The following AGTPBP1 variants were observed in gnomAD, a reference collection of about 807,000 sequenced individuals.
The protein encoded by AGTPBP1 is ATP/GTP binding carboxypeptidase 1, also known as cytosolic carboxypeptidase 1.
AGTPBP1 carries 70 observed loss-of-function variants against 143.9 expected under a neutral mutation model. The observed-to-expected ratio is 0.49, with a 90% CI of 0.40 to 0.59. The LOEUF is 0.59. Among genes scored for constraint, AGTPBP1 ranks in the 20% least tolerant of loss-of-function variants. AGTPBP1 has a pLI of 0.00. For synonymous variants in AGTPBP1, 463 were observed against 500.2 expected, an observed-to-expected ratio of 0.93 and a Z score of 0.99; for missense variants, 1,229 against 1,464.5, an observed-to-expected ratio of 0.84 and a Z score of 2.62.
chr9:85,662,671 A>C (rs1833916669), intron 8 of AGTPBP1, among the ~76,000 whole-genome samples: 1 of 152,200 alleles, frequency 6.6e-6, no homozygotes, highest in African/African-American at 2.4e-5. Context: ...TTTCCTTCTT[A>C]AAACAATTTT....
In AGTPBP1 at chr9:85,677,685, G is replaced by A. The variant is rs1031275591; in HGVS notation, c.290-103C>T. The A allele has an allele frequency of 3.0e-5, 29 of 976,176 alleles. No individual in the cohort carries two copies. The South Asian group carries it at 5.6e-4, about 19-fold the overall frequency. 60.5% of individuals were successfully genotyped at this position (976,176 alleles called of 1,614,324 possible). A position where few individuals can be genotyped will look rare whatever the true frequency, so the allele number is the denominator to read the frequency against. Reference sequence around the variant, plus strand: ...CATAACTTGTTAGCATTCAAGAAATGGTTAAAACTGATGACCTCTAAAATC... The same window carrying A: ...CATAACTTGTTAGCATTCAAGAAATAGTTAAAACTGATGACCTCTAAAATC... On this transcript the variant is annotated intron_variant, in intron 5 of 25. Coordinates refer to ENST00000357081, the MANE Select transcript of AGTPBP1 (RefSeq NM_001330701.2).
chr9:85,657,866 C>T (rs759807100), intron 9 of AGTPBP1, among the ~76,000 whole-genome samples: 6 of 152,142 alleles, frequency 3.9e-5, no homozygotes, highest in South Asian at 2.1e-4. Context: ...TAATGTTTCA[C>T]GATTTATAAA....
At chr9:85,726,056 CAAAAAAAAAAAA>C (rs948203314) in intron 1 of AGTPBP1, among the ~76,000 whole-genome samples, 20 of 40,790 alleles carry the variant, frequency 4.9e-4, no homozygotes, top group African/African-American at 1.4e-3. Context: ...GACTCCATCT[CAAAAAAAAAAAA>C]AAAAAAAAAA....
the AGTPBP1 span, among the ~76,000 whole-genome samples, chr9:85,771,898 A>G: frequency 6.6e-6 from 1 of 151,434 alleles, no homozygotes; most frequent in African/African-American, 2.4e-5. Flanking sequence ...TGACCTCATG[A>G]TCCGCCCGCC....
rs555486133 is a variant in AGTPBP1 at position 85,597,994 on chromosome 9, T to C, written c.2336-1545A>G. Among the ~76,000 whole-genome samples, 22 of 152,290 alleles carry C rather than the reference T, an allele frequency of 1.4e-4. No individual in the cohort carries two copies. The South Asian group carries it at 4.6e-3, about 32-fold the overall frequency. On this transcript the variant is annotated intron_variant, in intron 17 of 25. Transcript: ENST00000357081. The stretch of plus-strand genomic sequence containing the variant: ...GAAAACTAAATTTTAAAACTTTCCA[T>C]CACTTATTAGAATAAATAATAAAAG...
chr9:85,749,289 C>CT, the AGTPBP1 span, among the ~76,000 whole-genome samples: 1 of 152,146 alleles, frequency 6.6e-6, no homozygotes, highest in Non-Finnish European at 1.5e-5. Flanking sequence ...GCCACCACAC[C>CT]TTGCCACGTA....
Position 85,646,435 on chromosome 9 carries a change from G to A in AGTPBP1, c.1088-17C>T. 6.3e-7 allele frequency: 1 copy of A among 1,591,884 alleles called. No individual in the cohort carries two copies. The highest frequency in any genetic ancestry group is 8.6e-7 in the Non-Finnish European group (1 of 1,161,598). On this transcript the variant is annotated splice_polypyrimidine_tract_variant and intron_variant, in intron 11 of 25. Transcript: ENST00000357081. ...CGTCATCCACTATGATACAAAATGT[G>A]CTATAAGTAGGTCAGAGGTAAGCAT...
In AGTPBP1 at chr9:85,702,254, G is replaced by C. The variant is rs192232278; in HGVS notation, c.33-9441C>G. Among the ~76,000 whole-genome samples the C allele has an allele frequency of 9.6e-4, 146 of 152,216 alleles. 1 individual carries two copies. Among genetic ancestry groups the C allele is most frequent in the Middle Eastern group, 6.8e-3 (2 of 294 alleles). ...TTCCATTCCTTCCTTGGAAATTACA[G>C]TTACAAGTATATTGGATTTCTTTTG... is the stretch of plus-strand genomic sequence containing the variant. On this transcript the variant is annotated intron_variant, in intron 2 of 25. Transcript: ENST00000357081.
chr9:85,564,301 G>A (rs576478761), intron 25 of AGTPBP1, among the ~76,000 whole-genome samples: 2 of 152,340 alleles, frequency 1.3e-5, no homozygotes, highest in African/African-American at 2.4e-5. Context: ...CTCAAGAATT[G>A]TCACTTCTTT....
At chr9:85,772,914 C>A in the AGTPBP1 span, among the ~76,000 whole-genome samples, 1 of 152,038 alleles carries the variant, frequency 6.6e-6, no homozygotes, top group Non-Finnish European at 1.5e-5. Flanking sequence ...ATGTAAACTG[C>A]ATAGATTACA....
At chr9:85,720,393 G>A (rs1387874546) in intron 1 of AGTPBP1, among the ~76,000 whole-genome samples, 2 of 151,976 alleles carry the variant, frequency 1.3e-5, no homozygotes, top group African/African-American at 2.4e-5. Context: ...GTCTTGGGAG[G>A]GTGTATGTGT....
chr9:85,628,772 G>A (rs989553810), intron 14 of AGTPBP1, among the ~76,000 whole-genome samples: 1 of 152,116 alleles, frequency 6.6e-6, no homozygotes, highest in Non-Finnish European at 1.5e-5. Context: ...GGAGTGCGGT[G>A]GCACGATCTC....
intron 25 of AGTPBP1, among the ~76,000 whole-genome samples, chr9:85,560,429 G>A (rs1228160133): frequency 6.6e-6 from 1 of 152,164 alleles, no homozygotes; most frequent in Admixed American, 6.5e-5. Flanking sequence ...AGATGCTTCA[G>A]AGAGGCTACT....
At chr9:85,789,642 T>A in the AGTPBP1 span, among the ~76,000 whole-genome samples, 2 of 152,072 alleles carry the variant, frequency 1.3e-5, no homozygotes, top group African/African-American at 4.8e-5. Flanking sequence ...TAATGTATTT[T>A]TTTGTTGTTG....
the AGTPBP1 span, among the ~76,000 whole-genome samples, chr9:85,757,161 G>A: frequency 6.6e-6 from 1 of 152,108 alleles, no homozygotes; most frequent in Non-Finnish European, 1.5e-5. Context: ...CTGCCTCCTG[G>A]GTTCAAGTGA....
rs567620806 is a variant in AGTPBP1, at chr9:85,735,976, G to T, written c.-34+5799C>A. Among the ~76,000 whole-genome samples, 48 of 152,214 alleles carry T rather than the reference G, an allele frequency of 3.2e-4. 1 individual carries two copies. In the South Asian group the frequency reaches 9.7e-3, roughly 31 times the overall value. On this transcript the variant is annotated intron_variant, in intron 1 of 25. Transcript: ENST00000357081. ...CAAGTGCCTGGAATTTCTCCATAGG[G>T]CAGTTCATTCTCAGCATGAATTAAG...
At chr9:85,581,522 A>G (rs1048130750) in intron 23 of AGTPBP1, among the ~76,000 whole-genome samples, 1 of 152,260 alleles carries the variant, frequency 6.6e-6, no homozygotes, top group Non-Finnish European at 1.5e-5. Context: ...GTCTATAGTT[A>G]TAATTAATTC....
intron 1 of AGTPBP1, among the ~76,000 whole-genome samples, chr9:85,718,580 G>T (rs1378236806): frequency 6.6e-6 from 1 of 152,204 alleles, no homozygotes; most frequent in Non-Finnish European, 1.5e-5. Flanking sequence ...CCCTTTGTCA[G>T]ATAGGTAGAT....
chr9:85,750,297 G>A, the AGTPBP1 span, among the ~76,000 whole-genome samples: 1 of 152,164 alleles, frequency 6.6e-6, no homozygotes, highest in Non-Finnish European at 1.5e-5. Flanking sequence ...CTAAATTATA[G>A]CTATGAACTA....
Sources: gnomAD v4.1 joint callset for allele counts (sites outside exome capture counted in the v4.1 genomes callset) on GRCh38, gnomAD v4.1.1 for gene constraint, MANE v1.5 for transcripts, NCBI Gene and HGNC (gene_info 2026-07-23, HGNC 2026-07-21) for gene names.